The following XYLT1 variants were observed in gnomAD, a reference collection of about 807,000 sequenced individuals.
XYLT1 encodes the protein beta-D-xylosyltransferase 1.
In XYLT1, 36 loss-of-function variants were observed where a neutral mutation model predicts 91.3. That is an observed-to-expected ratio of 0.39 (90% CI 0.30 to 0.52). The LOEUF is 0.52. XYLT1 is among the 20% of genes least tolerant of loss of function. The pLI is 0.68. For synonymous variants in XYLT1, 588 were observed against 532.0 expected, an observed-to-expected ratio of 1.11 and a Z score of -1.45; for missense variants, 1,242 against 1,284.5, an observed-to-expected ratio of 0.97 and a Z score of 0.51.
At chr16:17,223,400 C>T (rs1250699214) in intron 3 of XYLT1, among the ~76,000 whole-genome samples, 5 of 152,252 alleles carry the variant, frequency 3.3e-5, no homozygotes, top group Non-Finnish European at 7.3e-5. Flanking sequence ...GTCAAAACCA[C>T]GTCTGCTTTA....
chr16:17,423,230 T>C (rs574354887), intron 1 of XYLT1, among the ~76,000 whole-genome samples: 31 of 152,168 alleles, frequency 2.0e-4, no homozygotes, highest in Non-Finnish European at 3.5e-4. Context: ...CACTGCCCAG[T>C]GGGGCCGCCC....
chr16:17,289,467 G>C (rs2034190383), intron 2 of XYLT1, among the ~76,000 whole-genome samples: 1 of 152,052 alleles, frequency 6.6e-6, no homozygotes, highest in South Asian at 2.1e-4. Context: ...CAACTCAAGG[G>C]GCTTTGTTTC....
At chr16:17,326,829 A>G (rs2034810118) in intron 2 of XYLT1, among the ~76,000 whole-genome samples, 2 of 151,392 alleles carry the variant, frequency 1.3e-5, no homozygotes, top group Non-Finnish European at 2.9e-5. Context: ...CATCTCAAAA[A>G]CAAAAAAAAA....
intron 2 of XYLT1, among the ~76,000 whole-genome samples, chr16:17,343,347 G>C (rs1234505429): frequency 1.3e-5 from 2 of 152,226 alleles, no homozygotes; most frequent in African/African-American, 4.8e-5. Flanking sequence ...ACGGCACCCA[G>C]TGCCTGCTGC....
At chr16:17,453,269 G>C (rs571874114) in intron 1 of XYLT1, among the ~76,000 whole-genome samples, 4 of 152,306 alleles carry the variant, frequency 2.6e-5, no homozygotes, top group African/African-American at 9.6e-5. Flanking sequence ...CATCGCACCA[G>C]GCAGAATCAG....
intron 1 of XYLT1, among the ~76,000 whole-genome samples, chr16:17,436,100 C>A (rs572204696): frequency 6.6e-6 from 1 of 152,312 alleles, no homozygotes; most frequent in African/African-American, 2.4e-5. Flanking sequence ...AGTTCCCCTG[C>A]ACATGCTCTC....
chr16:17,435,691 G>T (rs1379020860), intron 1 of XYLT1, among the ~76,000 whole-genome samples: 1 of 152,146 alleles, frequency 6.6e-6, no homozygotes, highest in African/African-American at 2.4e-5. Context: ...CCAGGCTCCA[G>T]CAGGTGGCCA....
intron 2 of XYLT1, among the ~76,000 whole-genome samples, chr16:17,306,894 C>T (rs377219868): frequency 5.9e-5 from 9 of 152,142 alleles, no homozygotes; most frequent in African/African-American, 2.2e-4. Flanking sequence ...AATCTGAGGC[C>T]CAGAGAGGCA....
chr16:17,301,603 G>A (rs2034395736), intron 2 of XYLT1, among the ~76,000 whole-genome samples: 1 of 152,180 alleles, frequency 6.6e-6, no homozygotes, highest in East Asian at 1.9e-4. Flanking sequence ...AAAGTACTCA[G>A]AACAGCGTGA....
intron 3 of XYLT1, among the ~76,000 whole-genome samples, chr16:17,215,829 G>C (rs1188339735): frequency 6.6e-6 from 1 of 152,122 alleles, no homozygotes; most frequent in African/African-American, 2.4e-5. Flanking sequence ...CCAAGAGGAA[G>C]TGCAGAAGAT....
chr16:17,410,645 C>CCTTTTTTT (rs1555454985), intron 1 of XYLT1, among the ~76,000 whole-genome samples: 4 of 93,036 alleles, frequency 4.3e-5, no homozygotes, highest in Non-Finnish European at 4.8e-5. Context: ...CCTGTCATTA[C>CCTTTTTTT]TTTTTTTTTT....
chr16:17,433,746 T>C (rs1481234797), intron 1 of XYLT1, among the ~76,000 whole-genome samples: 1 of 152,218 alleles, frequency 6.6e-6, no homozygotes, highest in African/African-American at 2.4e-5. Flanking sequence ...ATTTCCTCTA[T>C]AGCCTCAAAG....
chr16:17,156,913 A>C (rs1003990704), intron 6 of XYLT1, among the ~76,000 whole-genome samples: 17 of 151,998 alleles, frequency 1.1e-4, no homozygotes, highest in African/African-American at 4.1e-4. Flanking sequence ...TCAATTTAGA[A>C]AAATGATACA....
At position 17,259,502 on chromosome 16, in the gene XYLT1, G is replaced by A. The variant is rs1366959979; in HGVS notation, c.403-4C>T. 2 of 1,601,774 alleles carry A rather than the reference G, an allele frequency of 1.2e-6. No homozygotes were observed. The highest frequency in any genetic ancestry group is 1.7e-6 in the Non-Finnish European group (2 of 1,175,846). On this transcript the variant is annotated splice_region_variant and splice_polypyrimidine_tract_variant and intron_variant, in intron 2 of 11. Coordinates refer to ENST00000261381, the MANE Select transcript of XYLT1 (RefSeq NM_022166.4). ...GCCGATGAGAAAAGTAGCCATCCTG[G>A]AGAAGAGGGGAGAGAAACAGAAGAG...
At chr16:17,270,783 T>G (rs906271582) in intron 2 of XYLT1, among the ~76,000 whole-genome samples, 3 of 152,210 alleles carry the variant, frequency 2.0e-5, no homozygotes, top group African/African-American at 7.2e-5. Flanking sequence ...GACACAGCCA[T>G]GCCCATTCGT....
intron 3 of XYLT1, among the ~76,000 whole-genome samples, chr16:17,248,117 C>T (rs1360537575): frequency 6.6e-6 from 1 of 152,126 alleles, no homozygotes; most frequent in Non-Finnish European, 1.5e-5. Context: ...GTAACTGAAT[C>T]ATGGGGGTGA....
intron 1 of XYLT1, among the ~76,000 whole-genome samples, chr16:17,391,881 C>T (rs1438109843): frequency 1.3e-5 from 2 of 152,186 alleles, no homozygotes; most frequent in South Asian, 2.1e-4. Context: ...TCACTTGGCT[C>T]TTATTCTCTG....
At chr16:17,247,273 C>T (rs2033452747) in intron 3 of XYLT1, among the ~76,000 whole-genome samples, 1 of 150,742 alleles carries the variant, frequency 6.6e-6, no homozygotes, top group Non-Finnish European at 1.5e-5. Context: ...CAGTTGTGCC[C>T]AAGGGAGCAA....
chr16:17,292,101 C>T (rs1342963709), intron 2 of XYLT1, among the ~76,000 whole-genome samples: 1 of 150,266 alleles, frequency 6.7e-6, no homozygotes, highest in African/African-American at 2.4e-5. Context: ...CACACACACA[C>T]ACACATATAC....
Sources: allele counts gnomAD v4.1 joint callset (sites outside exome capture counted in the v4.1 genomes callset), GRCh38; gene constraint gnomAD v4.1.1; transcripts MANE v1.5; gene names NCBI Gene and HGNC (gene_info 2026-07-23, HGNC 2026-07-21).